Variants in CDC14B observed in about 807,000 individuals in gnomAD.
CDC14B encodes the protein dual specificity protein phosphatase CDC14B.
Under a neutral mutation model 64.2 loss-of-function variants are expected in CDC14B, and 22 were observed. The observed-to-expected ratio is 0.34, with a 90% CI of 0.24 to 0.49. The LOEUF (loss-of-function observed/expected upper bound fraction) is 0.49. Ranked by LOEUF, CDC14B falls within the 20% of genes least tolerant of loss-of-function variation. The pLI, the probability that CDC14B is intolerant of heterozygous loss-of-function variation, is 0.99. For missense variants in CDC14B, 498 were observed against 629.9 expected (o/e 0.79, Z 2.24); for synonymous variants, 191 against 215.8 (o/e 0.89, Z 1.01).
intron 13 of CDC14B, among the ~76,000 whole-genome samples, chr9:96,493,723 G>A (rs1471338351): frequency 6.6e-6 from 1 of 152,186 alleles, no homozygotes; most frequent in Admixed American, 6.5e-5. Flanking sequence ...TACTTGGTAG[G>A]CTGAGGCAGG....
intron 5 of CDC14B, among the ~76,000 whole-genome samples, chr9:96,551,130 T>TTTTTTTTTTTTTTTTTTTTTG (rs1841767054): frequency 7.9e-6 from 1 of 127,134 alleles, no homozygotes; most frequent in Non-Finnish European, 1.7e-5. Flanking sequence ...TTTTTTTTTT[T>TTTTTTTTTTTTTTTTTTTTTG]GAGACAAGTT....
At chr9:96,523,215 A>G (rs910812805) in intron 11 of CDC14B, 46 bp downstream of exon 11, 1 of 1,596,154 alleles carries the variant, frequency 6.3e-7, no homozygotes, top group Admixed American at 1.7e-5. Context: ...GGTTCTCAAT[A>G]GCAGTTAAAG....
At chr9:96,530,979 T>C (rs1261377825) in intron 9 of CDC14B, among the ~76,000 whole-genome samples, 1 of 152,242 alleles carries the variant, frequency 6.6e-6, no homozygotes, top group Non-Finnish European at 1.5e-5. Context: ...GAACCACTCT[T>C]GTAATCATGG....
chr9:96,594,527 G>A (rs1293666237), intron 1 of CDC14B, among the ~76,000 whole-genome samples: 1 of 151,912 alleles, frequency 6.6e-6, no homozygotes, highest in Non-Finnish European at 1.5e-5. Context: ...GACCAGCCTA[G>A]GCAACATGTC....
At chr9:96,552,655 C>A (rs992237063) in intron 4 of CDC14B, among the ~76,000 whole-genome samples, 7 of 152,142 alleles carry the variant, frequency 4.6e-5, no homozygotes, top group Non-Finnish European at 1.0e-4. Flanking sequence ...CTGCTTCTTA[C>A]AAGTAACCTG....
downstream of CDC14B, among the ~76,000 whole-genome samples, chr9:96,497,539 G>A (rs959527284): frequency 2.7e-5 from 4 of 147,348 alleles, no homozygotes; most frequent in South Asian, 2.1e-4. Flanking sequence ...GACAGTGAGC[G>A]TGACCCCCTA....
At chr9:96,520,769 T>A (rs1042891391) in intron 12 of CDC14B, among the ~76,000 whole-genome samples, 2 of 152,174 alleles carry the variant, frequency 1.3e-5, no homozygotes, top group Non-Finnish European at 2.9e-5. Context: ...GTGTGGTCCC[T>A]GGACCAGCAG....
At chr9:96,574,080 G>C (rs1219353874) in intron 1 of CDC14B, among the ~76,000 whole-genome samples, 4 of 151,920 alleles carry the variant, frequency 2.6e-5, no homozygotes, top group African/African-American at 4.8e-5. Context: ...CCGGGAGGCG[G>C]AGCTGGCAGT....
chr9:96,555,522 G>GT (rs1423487969), intron 4 of CDC14B, among the ~76,000 whole-genome samples: 2 of 152,316 alleles, frequency 1.3e-5, no homozygotes, highest in East Asian at 3.9e-4. Flanking sequence ...TCGTACTGTT[G>GT]TTTTAGGTCA....
chr9:96,540,819 C>T (rs1422243421), intron 6 of CDC14B, among the ~76,000 whole-genome samples: 1 of 152,098 alleles, frequency 6.6e-6, no homozygotes, highest in African/African-American at 2.4e-5. Flanking sequence ...CCATACCTGC[C>T]CACACTGAGG....
In CDC14B at chr9:96,611,112, G is replaced by C. The variant is rs552844553; in HGVS notation, c.160+8107C>G. Among the ~76,000 whole-genome samples the C allele has an allele frequency of 4.0e-5, 6 of 151,612 alleles. No individual in the cohort carries two copies. The South Asian group carries it at 1.2e-3, about 32-fold the overall frequency. On this transcript the variant is annotated intron_variant, in intron 1 of 13. Coordinates refer to ENST00000375241, the MANE Select transcript of CDC14B (RefSeq NM_033331.4). ...TATAGAAAAAAAAAAAAGAGAGAGA[G>C]AAAAGGGCGTAAAACTTTCATATAA...
At position 96,523,529 on chromosome 9, in the gene CDC14B, C is replaced by T. The variant is rs1837082295; in HGVS notation, c.1085+58G>A. 7 of 1,608,624 alleles carry T rather than the reference C, an allele frequency of 4.4e-6. No individual in the cohort carries two copies. The South Asian group carries it at 6.6e-5, about 15-fold the overall frequency. On this transcript the variant is annotated intron_variant, in intron 10 of 13. Transcript: ENST00000375241. ...TGGAAACTAAAGGAAATTCCACTCC[C>T]CATCAGATTCCAACCCCACATGTTC...
chr9:96,563,510 C>T (rs1843496148), intron 3 of CDC14B, among the ~76,000 whole-genome samples: 1 of 151,864 alleles, frequency 6.6e-6, no homozygotes, highest in South Asian at 2.1e-4. Context: ...ACTAGCTGGG[C>T]GTGGTGGCAC....
chr9:96,612,514 T>C (rs1490026047), intron 1 of CDC14B, among the ~76,000 whole-genome samples: 1 of 152,230 alleles, frequency 6.6e-6, no homozygotes. Flanking sequence ...AAAAGGTTAC[T>C]AATAATCTGT....
intron 7 of CDC14B, among the ~76,000 whole-genome samples, chr9:96,537,920 A>G (rs530753051): frequency 6.6e-6 from 1 of 152,152 alleles, no homozygotes; most frequent in East Asian, 1.9e-4. Context: ...AGGTTTCACC[A>G]TGTTGCCCAG....
At chr9:96,579,595 A>AG (rs1318918180) in intron 1 of CDC14B, among the ~76,000 whole-genome samples, 2 of 152,008 alleles carry the variant, frequency 1.3e-5, no homozygotes, top group South Asian at 4.2e-4. Flanking sequence ...AAAAAAAAAA[A>AG]AAAAGGGAGA....
intron 1 of CDC14B, among the ~76,000 whole-genome samples, chr9:96,605,764 G>A (rs1413322500): frequency 6.6e-6 from 1 of 152,118 alleles, no homozygotes; most frequent in Non-Finnish European, 1.5e-5. Context: ...GGGAGGCTGA[G>A]GCTGGAGAAT....
chr9:96,497,570 G>A (rs16910987), downstream of CDC14B, among the ~76,000 whole-genome samples: 2,270 of 152,344 alleles, frequency 0.015, 54 homozygotes, highest in African/African-American at 0.051. Context: ...TGAGGCCAGC[G>A]TCCTGCTATT....
downstream of CDC14B, among the ~76,000 whole-genome samples, chr9:96,495,281 A>G (rs1043308345): frequency 6.6e-6 from 1 of 151,904 alleles, no homozygotes. Flanking sequence ...AGAGTCTCAA[A>G]TGTTCTCAGA....
Sources: allele counts gnomAD v4.1 joint callset (sites outside exome capture counted in the v4.1 genomes callset), GRCh38; gene constraint gnomAD v4.1.1; transcripts MANE v1.5; gene names NCBI Gene and HGNC (gene_info 2026-07-23, HGNC 2026-07-21).